The following FECH variants were observed in gnomAD, a reference collection of about 807,000 sequenced individuals.
The protein encoded by FECH is ferrochelatase.
A neutral mutation model predicts 56.9 loss-of-function variants in FECH; 40 were observed. The ratio of observed to expected loss-of-function variants is 0.70; its 90% CI spans 0.55 to 0.92. The LOEUF is 0.92. Among genes scored for constraint, FECH ranks in the 40% least tolerant of loss-of-function variants. The pLI, the probability that FECH is intolerant of heterozygous loss-of-function variation, is 0.00. For missense variants in FECH, 431 were observed against 529.1 expected, an observed-to-expected ratio of 0.81 and a Z score of 1.82; for synonymous variants, 175 against 198.6, an observed-to-expected ratio of 0.88 and a Z score of 1.00.
At chr18:57,561,078 A>T (rs950613752) in intron 6 of FECH, among the ~76,000 whole-genome samples, 2 of 152,204 alleles carry the variant, frequency 1.3e-5, no homozygotes, top group Non-Finnish European at 2.9e-5. Context: ...AGATGCTCAG[A>T]AAGGATTATT....
chr18:57,555,790 A>G (rs1222281954), intron 7 of FECH, among the ~76,000 whole-genome samples: 1 of 152,198 alleles, frequency 6.6e-6, no homozygotes, highest in African/African-American at 2.4e-5. Flanking sequence ...GGCTGGAAAC[A>G]GTGCCTGGAA....
intron 9 of FECH, among the ~76,000 whole-genome samples, chr18:57,551,982 CA>C (rs1362003739): frequency 6.6e-6 from 1 of 151,168 alleles, no homozygotes; most frequent in African/African-American, 2.4e-5. Flanking sequence ...GTCCCGGGTT[CA>C]AGGGATCATC....
rs1385278463 is a variant in FECH, at chr18:57,549,137, T to C, written c.*1575A>G. 1.3e-5 allele frequency: 2 copies of C among 152,102 alleles called. No homozygotes were observed. Among genetic ancestry groups the C allele is most frequent in the Non-Finnish European group, 2.9e-5 (2 of 68,008 alleles). The allele number at this position is 152,102 out of a possible 1,614,324, so 9.4% of individuals were successfully genotyped here. Reference sequence around the variant, plus strand: ...CTTGTATCTTTCTCTAGAAACACAATCTACTAGTAGAAAAACCAATTTGAA... The same window carrying C: ...CTTGTATCTTTCTCTAGAAACACAACCTACTAGTAGAAAAACCAATTTGAA... On this transcript the variant is annotated 3_prime_UTR_variant, in exon 11 of 11. Coordinates refer to ENST00000262093, the MANE Select transcript of FECH (RefSeq NM_000140.5).
rs267605216 is a variant in FECH, at chr18:57,573,299, G to T, written c.261C>A (p.Asp87Glu). The T allele has an allele frequency of 6.2e-7, 1 of 1,614,032 alleles. No homozygotes were observed. The highest frequency in any genetic ancestry group is 1.1e-5 in the South Asian group (1 of 91,068). The change falls in exon 3 of 11, where the codon GAC becomes GAA. Residue 87 changes from aspartate to glutamate, a missense_variant. Asp to Glu is a conservative substitution (Grantham distance 45, BLOSUM62 2). Coordinates refer to ENST00000262093, the MANE Select transcript of FECH (RefSeq NM_000140.5). ...GGPETLGDVH[D>E]FLLRLFLDRD... ...GGTCCAAGAAGAGTCTCAGAAGGAA[G>T]TCGTGAACATCTCCAAGAGTTTCAG...
intron 2 of FECH, 35 bp from the exon 3 acceptor site, chr18:57,573,400 C>T (rs776333194): frequency 6.2e-7 from 1 of 1,613,088 alleles, no homozygotes; most frequent in South Asian, 1.1e-5. Context: ...TGATTTGTCA[C>T]ACTTCTTATT....
In FECH at chr18:57,554,430, C is replaced by G. The variant is rs373867253; in HGVS notation, c.913-6G>C. The G allele has an allele frequency of 3.7e-6, 6 of 1,614,048 alleles. No individual in the cohort carries two copies. The highest frequency in any genetic ancestry group is 5.1e-6 in the Non-Finnish European group (6 of 1,180,014). On this transcript the variant is annotated splice_polypyrimidine_tract_variant and splice_region_variant and intron_variant, in intron 8 of 10. Coordinates refer to ENST00000262093, the MANE Select transcript of FECH (RefSeq NM_000140.5). Reference sequence around the variant, plus strand: ...AACCAGGGCATTGGACCAACCTATGCGAAAGATAGACGAATGCGTAAGTGG... The same window carrying G: ...AACCAGGGCATTGGACCAACCTATGGGAAAGATAGACGAATGCGTAAGTGG...
chr18:57,573,301 C>T lies in FECH; in HGVS notation c.259G>A (p.Asp87Asn), dbSNP rs575445232. The T allele has an allele frequency of 6.8e-6, 11 of 1,613,888 alleles. No individual in the cohort carries two copies. Among genetic ancestry groups the T allele is most frequent in the East Asian group, 4.5e-5 (2 of 44,886 alleles). Reference protein sequence around the residue: ...GGPETLGDVHDFLLRLFLDRD... With the variant: ...GGPETLGDVHNFLLRLFLDRD... ...TCCAAGAAGAGTCTCAGAAGGAAGT[C>T]GTGAACATCTCCAAGAGTTTCAGGG... Residue 87 changes from aspartate (D) to asparagine (N), a missense_variant, in exon 3 of 11, where the codon GAC becomes AAC. By Grantham distance (23) the Asp-to-Asn change is conservative. Transcript: ENST00000262093.
rs1370019265 is a variant in FECH at position 57,548,087 on chromosome 18, C to T, written c.*2625G>A. Among the ~76,000 whole-genome samples the T allele has an allele frequency of 6.6e-6, 1 of 151,612 alleles. No individual in the cohort carries two copies. The highest frequency in any genetic ancestry group is 1.5e-5 in the Non-Finnish European group (1 of 67,890). ...ACAACATGGCAAAACCCCATCTCTA[C>T]AAAAAATATAAAAAAGTAGCCCAGC... On this transcript the variant is annotated 3_prime_UTR_variant, in exon 11 of 11. Coordinates refer to ENST00000262093, the MANE Select transcript of FECH (RefSeq NM_000140.5).
chr18:57,586,440 C>T (rs1374608357), intron 1 of FECH, 114 bp downstream of exon 1: 2 of 1,214,024 alleles, frequency 1.6e-6, no homozygotes, highest in East Asian at 2.9e-5. Flanking sequence ...CGCAGCACCC[C>T]CAAGGCCGCT....
Position 57,550,769 on chromosome 18 carries a change from G to A in FECH, c.1215C>T (p.Leu405=). 5.6e-6 allele frequency: 9 copies of A among 1,614,188 alleles called. No homozygotes were observed. The highest frequency in any genetic ancestry group is 7.6e-6 in the Non-Finnish European group (9 of 1,180,026). The change falls in exon 11 of 11, where the codon CTC becomes CTT. Residue 405 remains leucine, a synonymous_variant. Transcript: ENST00000262093. Reference sequence around the variant, plus strand: ...TCTCCCTGCAGACAGGATTGACACAGAGCGGACAGCTCAGGGTCAGCTGCT... The same window carrying A: ...TCTCCCTGCAGACAGGATTGACACAAAGCGGACAGCTCAGGGTCAGCTGCT... ...CSKQLTLSCP[L]CVNPVCRETK... is the part of the protein sequence containing the mutation.
intron 1 of FECH, among the ~76,000 whole-genome samples, chr18:57,581,759 G>A (rs1233691944): frequency 6.6e-6 from 1 of 152,178 alleles, no homozygotes; most frequent in Non-Finnish European, 1.5e-5. Flanking sequence ...ATTAGTACTG[G>A]TGTTAGTTTC....
intron 1 of FECH, 22 bp downstream of exon 1, chr18:57,586,532 C>T (rs1299360898): frequency 4.6e-6 from 7 of 1,519,202 alleles, no homozygotes; most frequent in Non-Finnish European, 6.1e-6. Context: ...GCCCTGGCGG[C>T]CGCCGCGACA....
intron 7 of FECH, 81 bp from the exon 8 acceptor site, chr18:57,555,033 T>A: frequency 9.2e-7 from 1 of 1,090,770 alleles, no homozygotes; most frequent in Non-Finnish European, 1.4e-6. Context: ...TGACACAGTG[T>A]GAGCCCTGGA....
intron 2 of FECH, among the ~76,000 whole-genome samples, chr18:57,576,933 A>G (rs1014027159): frequency 2.0e-5 from 3 of 152,206 alleles, no homozygotes; most frequent in Admixed American, 2.0e-4. Context: ...TTTGAATATA[A>G]AAGTGTATAC....
intron 2 of FECH, among the ~76,000 whole-genome samples, chr18:57,578,260 G>C (rs1009216448): frequency 1.3e-5 from 2 of 152,212 alleles, no homozygotes; most frequent in Non-Finnish European, 2.9e-5. Context: ...CAGGCTGCCA[G>C]ATGAAGAAGG....
intron 6 of FECH, among the ~76,000 whole-genome samples, chr18:57,559,804 A>G (rs574193303): frequency 1.3e-5 from 2 of 152,326 alleles, no homozygotes; most frequent in South Asian, 4.1e-4. Flanking sequence ...CAGGTGATAC[A>G]CACCCATTAA....
intron 7 of FECH, among the ~76,000 whole-genome samples, chr18:57,556,080 G>A (rs1357881400): frequency 2.0e-5 from 3 of 152,206 alleles, no homozygotes; most frequent in Non-Finnish European, 4.4e-5. Context: ...AGTGAGCCGA[G>A]ATTGCACCAG....
chr18:57,562,679 T>C (rs73436911), intron 6 of FECH, among the ~76,000 whole-genome samples, 195 bp downstream of exon 6: 1,921 of 152,322 alleles, frequency 0.013, 43 homozygotes, highest in African/African-American at 0.044. Flanking sequence ...AAGAAGAGTC[T>C]AGTCATTTTA....
At chr18:57,579,313 G>GTGTGTGTGTGTA (rs531089366) in intron 2 of FECH, among the ~76,000 whole-genome samples, 7,643 of 143,438 alleles carry the variant, frequency 0.053, 258 homozygotes, top group Non-Finnish European at 0.059. Flanking sequence ...GTGTGTGTGT[G>GTGTGTGTGTGTA]TATATATTCA....
Sources: allele counts gnomAD v4.1 joint callset (sites outside exome capture counted in the v4.1 genomes callset), GRCh38; gene constraint gnomAD v4.1.1; transcripts MANE v1.5; gene names NCBI Gene and HGNC (gene_info 2026-07-23, HGNC 2026-07-21).